The following CCDC148 variants were observed in gnomAD, a reference collection of about 807,000 sequenced individuals.
CCDC148 encodes coiled-coil domain containing 148.
A neutral mutation model predicts 85.7 loss-of-function variants in CCDC148; 89 were observed. The ratio of observed to expected loss-of-function variants is 1.04; its 90% confidence interval spans 0.87 to 1.24. The LOEUF is 1.24. Ranked by LOEUF, CCDC148 falls within the 50% of genes most tolerant of loss-of-function variation. The pLI, the probability that CCDC148 is intolerant of heterozygous loss-of-function variation, is 0.00. For missense variants in CCDC148, 692 were observed against 671.7 expected (o/e 1.03, Z -0.33); for synonymous variants, 230 against 213.9 (o/e 1.08, Z -0.66).
rs550160524 is a variant in CCDC148 at position 158,250,970 on chromosome 2, G to A, written c.1111-58C>T. 38 of 1,485,788 alleles carry A rather than the reference G, an allele frequency of 2.6e-5. No individual in the cohort carries two copies. In the African/African-American group the frequency reaches 4.9e-4, roughly 19 times the overall value. The allele number at this position is 1,485,788 out of a possible 1,614,324, so 92.0% of individuals were successfully genotyped here. A position where few individuals can be genotyped will look rare whatever the true frequency, so the allele number is the denominator to read the frequency against. On this transcript the variant is annotated intron_variant, in intron 9 of 13. Transcript: ENST00000283233. ...CTATGCACACTGAAGTTATTTCATA[G>A]GTCATAATAAGACTAGGCTCTATAT...
intron 13 of CCDC148, among the ~76,000 whole-genome samples, chr2:158,174,798 T>C (rs1008011934): frequency 1.3e-5 from 2 of 152,066 alleles, no homozygotes; most frequent in African/African-American, 4.8e-5. Context: ...TGCATTGTGC[T>C]ATGATGTTAA....
chr2:158,353,101 G>A lies in CCDC148; in HGVS notation c.147+5348C>T, dbSNP rs534194698. On this transcript the variant is annotated intron_variant, in intron 2 of 13. Transcript: ENST00000283233. ...GCCCTAAACACGGAAAAGAACAACC[G>A]GTACCAGCCGCTGCAAAATCATGCC... Among the ~76,000 whole-genome samples the A allele has an allele frequency of 5.7e-4, 86 of 151,444 alleles. 1 individual carries two copies. The Middle Eastern group carries it at 0.014, about 24-fold the overall frequency.
At chr2:158,177,053 G>T (rs1684626030) in intron 12 of CCDC148, among the ~76,000 whole-genome samples, 1 of 151,928 alleles carries the variant, frequency 6.6e-6, no homozygotes. Flanking sequence ...AGCAATTTAT[G>T]GTTATGGTAA....
intron 11 of CCDC148, among the ~76,000 whole-genome samples, chr2:158,187,609 C>T (rs574303269): frequency 7.9e-5 from 12 of 151,978 alleles, no homozygotes; most frequent in Non-Finnish European, 1.8e-4. Context: ...TCTTTCAGAG[C>T]TCCTTCAATG....
At chr2:158,262,603 C>T (rs1212474546) in intron 9 of CCDC148, among the ~76,000 whole-genome samples, 1 of 151,846 alleles carries the variant, frequency 6.6e-6, no homozygotes, top group East Asian at 1.9e-4. Flanking sequence ...GCTAGGGAGG[C>T]CTCAGGAAAC....
intron 2 of CCDC148, among the ~76,000 whole-genome samples, chr2:158,351,796 G>A (rs1222143428): frequency 6.6e-6 from 1 of 151,962 alleles, no homozygotes; most frequent in Non-Finnish European, 1.5e-5. Context: ...CAAAAAGACA[G>A]CAGTAACCTC....
rs200258825 is a variant in CCDC148 at position 158,446,604 on chromosome 2, G to GT, written c.25+9810dup. On this transcript the variant is annotated intron_variant, in intron 1 of 13. Transcript: ENST00000283233. ...ATGTGTTTATGCCATTATTTTTAAAGTTTTTTATTTATAATAGCTTTATTG... is the reference window on the plus strand; with the variant it reads ...ATGTGTTTATGCCATTATTTTTAAAGTTTTTTTATTTATAATAGCTTTATTG... Among the ~76,000 whole-genome samples, 713 of 152,128 alleles carry GT rather than the reference G, an allele frequency of 4.7e-3. 1 individual carries two copies. The highest frequency in any genetic ancestry group is 0.016 in the African/African-American group (651 of 41,518).
At chr2:158,230,554 T>TG (rs952744444) in intron 10 of CCDC148, among the ~76,000 whole-genome samples, 1 of 152,090 alleles carries the variant, frequency 6.6e-6, no homozygotes, top group African/African-American at 2.4e-5. Context: ...GAAGCGAGAT[T>TG]GGAGAGCTGC....
At chr2:158,328,426 G>A (rs1257746318) in intron 7 of CCDC148, among the ~76,000 whole-genome samples, 1 of 152,138 alleles carries the variant, frequency 6.6e-6, no homozygotes, top group Non-Finnish European at 1.5e-5. Flanking sequence ...TTGGACATCT[G>A]GGTTGGTTCC....
At chr2:158,176,276 T>C (rs1231636212) in intron 13 of CCDC148, among the ~76,000 whole-genome samples, 1 of 151,938 alleles carries the variant, frequency 6.6e-6, no homozygotes, top group Admixed American at 6.6e-5. Flanking sequence ...ATTTAAAAAA[T>C]AAGCTTCAAT....
intron 1 of CCDC148, among the ~76,000 whole-genome samples, chr2:158,385,797 G>T (rs533350565): frequency 6.6e-5 from 10 of 152,210 alleles, no homozygotes; most frequent in African/African-American, 2.2e-4. Flanking sequence ...GGAATGTGAG[G>T]TGGCTTTTGG....
intron 1 of CCDC148, among the ~76,000 whole-genome samples, chr2:158,405,396 A>G (rs1431999347): frequency 6.6e-6 from 1 of 152,178 alleles, no homozygotes. Context: ...TATAACTATA[A>G]GCTTCATTAG....
chr2:158,375,909 G>A (rs958343267), intron 1 of CCDC148, among the ~76,000 whole-genome samples: 5 of 152,096 alleles, frequency 3.3e-5, no homozygotes, highest in African/African-American at 1.2e-4. Flanking sequence ...TTGTTATCAA[G>A]AATCTGCTGT....
chr2:158,306,379 G>T (rs180965774), intron 9 of CCDC148, among the ~76,000 whole-genome samples: 35 of 151,920 alleles, frequency 2.3e-4, no homozygotes, highest in Non-Finnish European at 4.4e-4. Flanking sequence ...TACAAAAAAC[G>T]TATGTTTATT....
intron 1 of CCDC148, among the ~76,000 whole-genome samples, chr2:158,425,544 T>C (rs182992284): frequency 7.2e-4 from 109 of 152,346 alleles, no homozygotes; most frequent in African/African-American, 2.4e-3. Context: ...TTTATTTGTA[T>C]GATTTTATAT....
chr2:158,396,945 C>T (rs563365978), intron 1 of CCDC148, among the ~76,000 whole-genome samples: 2 of 152,146 alleles, frequency 1.3e-5, no homozygotes, highest in Admixed American at 6.6e-5. Flanking sequence ...CAAGCTAGAA[C>T]TTGAAATTCA....
intron 9 of CCDC148, among the ~76,000 whole-genome samples, chr2:158,253,196 C>G (rs1230961298): frequency 2.0e-5 from 3 of 151,674 alleles, no homozygotes; most frequent in Non-Finnish European, 4.4e-5. Flanking sequence ...GTCTTTCTGC[C>G]AGAAGTATTT....
chr2:158,177,733 CT>C (rs576566928), intron 12 of CCDC148, among the ~76,000 whole-genome samples: 5 of 152,058 alleles, frequency 3.3e-5, no homozygotes, highest in Non-Finnish European at 5.9e-5. Context: ...TCTTTATAAT[CT>C]TTTTTTATCA....
At chr2:158,348,577 A>G (rs1415549142) in intron 2 of CCDC148, among the ~76,000 whole-genome samples, 1 of 152,060 alleles carries the variant, frequency 6.6e-6, no homozygotes, top group Non-Finnish European at 1.5e-5. Context: ...AGACATGGTA[A>G]TAGTATTGTA....
Sources: gnomAD v4.1 joint callset for allele counts (sites outside exome capture counted in the v4.1 genomes callset) on GRCh38, gnomAD v4.1.1 for gene constraint, MANE v1.5 for transcripts, NCBI Gene and HGNC (gene_info 2026-07-23, HGNC 2026-07-21) for gene names.